MARVELD2: variants seen among roughly 807,000 people sequenced by gnomAD.
MARVELD2 encodes MARVEL domain containing 2, also known as MARVEL domain-containing protein 2.
Under a neutral mutation model 57.6 loss-of-function variants are expected in MARVELD2, and 49 were observed. The ratio of observed to expected loss-of-function variants is 0.85; its 90% CI spans 0.68 to 1.08. The LOEUF is 1.08. MARVELD2 is among the 50% of genes least tolerant of loss of function. The pLI is 0.00. For synonymous variants in MARVELD2, 238 were observed against 258.8 expected (o/e 0.92, Z 0.77); for missense variants, 606 against 701.1 (o/e 0.86, Z 1.53).
At position 69,425,904 on chromosome 5, in the gene MARVELD2, A is replaced by G. The variant is rs572173325; in HGVS notation, c.1182+1268A>G. The stretch of plus-strand genomic sequence containing the variant: ...CCACCGCGGCCGGCTAATTTTTTGT[A>G]TTTTTAGTGGAGACGGGGTTTCACC... On this transcript the variant is annotated intron_variant, in intron 3 of 6. Transcript: ENST00000325631. 4.6e-5 allele frequency among the ~76,000 whole-genome samples: 7 copies of G among 151,358 alleles called. No individual in the cohort carries two copies. The South Asian group carries it at 1.5e-3, about 32-fold the overall frequency.
chr5:69,426,320 CATTATTATTATT>C (rs61577972), intron 3 of MARVELD2, among the ~76,000 whole-genome samples: 2 of 140,116 alleles, frequency 1.4e-5, no homozygotes, highest in Non-Finnish European at 3.0e-5. Context: ...AGATACTGGA[CATTATTATTATT>C]ATTATTATTA....
chr5:69,423,241 T>C (rs916242248), intron 2 of MARVELD2, among the ~76,000 whole-genome samples: 1 of 152,136 alleles, frequency 6.6e-6, no homozygotes, highest in African/African-American at 2.4e-5. Flanking sequence ...CAAATCGTTT[T>C]GTTGTCGTTG....
intron 5 of MARVELD2, among the ~76,000 whole-genome samples, chr5:69,436,566 A>G (rs1340421846): frequency 6.6e-6 from 1 of 152,114 alleles, no homozygotes; most frequent in Non-Finnish European, 1.5e-5. Flanking sequence ...CCAAATGTGT[A>G]TTACAGTAAC....
chr5:69,420,622 A>G, intron 2 of MARVELD2, 91 bp downstream of exon 2: 1 of 1,253,222 alleles, frequency 8.0e-7, no homozygotes, highest in South Asian at 1.3e-5. Flanking sequence ...CGCTCAAAAC[A>G]GAAAGCTTTC....
Position 69,442,715 on chromosome 5 carries a change from C to T in MARVELD2, c.*1061C>T, listed in dbSNP as rs561872146. The T allele has an allele frequency of 1.3e-5, 2 of 152,400 alleles. No individual in the cohort carries two copies. The highest frequency in any genetic ancestry group is 2.9e-5 in the Non-Finnish European group (2 of 68,126). The allele number at this position is 152,400 out of a possible 1,614,324, so 9.4% of individuals were successfully genotyped here. On this transcript the variant is annotated 3_prime_UTR_variant, in exon 7 of 7. Coordinates refer to ENST00000325631, the MANE Select transcript of MARVELD2 (RefSeq NM_001038603.3). Reference sequence around the variant, plus strand: ...CTGGTGCTTCACTGTGGCTCTGTGGCCCCTGGGGTTCCACATGGCCTCCCT... The same window carrying T: ...CTGGTGCTTCACTGTGGCTCTGTGGTCCCTGGGGTTCCACATGGCCTCCCT...
At chr5:69,418,950 CAG>C (rs1766510221) in intron 1 of MARVELD2, 1 of 159,848 alleles carries the variant, frequency 6.3e-6, no homozygotes, top group Non-Finnish European at 1.3e-5. Flanking sequence ...TTTTTAGAGA[CAG>C]AGACTCACTG....
In MARVELD2 at chr5:69,419,875, C is replaced by T. The variant is rs748896801; in HGVS notation, c.490C>T (p.Arg164Ter). 8.7e-6 allele frequency: 14 copies of T among 1,613,978 alleles called. No homozygotes were observed. The highest frequency in any genetic ancestry group is 2.2e-5 in the East Asian group (1 of 44,896). Residue 164 changes from arginine to a stop codon, truncating the protein, a stop_gained, in exon 2 of 7, where the codon CGA (arginine) becomes TGA (stop). Coordinates refer to ENST00000325631, the MANE Select transcript of MARVELD2 (RefSeq NM_001038603.3). LOFTEE classifies it high-confidence loss of function. ...CCGGGATCCCTATGGATCTCTAGAC[C>T]GACACACACAAACAGTTCGAACATA... ...FPRDPYGSLDRHTQTVRTYSE... is the reference protein window; with the variant it reads ...FPRDPYGSLD
rs1561306211 is a variant in MARVELD2, at chr5:69,442,319, T to C, written c.*665T>C. The C allele has an allele frequency of 6.6e-6, 1 of 152,178 alleles. No homozygotes were observed. Among genetic ancestry groups the C allele is most frequent in the African/African-American group, 2.4e-5 (1 of 41,444 alleles). The allele number at this position is 152,178 out of a possible 1,614,324, so 9.4% of individuals were successfully genotyped here. A position where few individuals can be genotyped will look rare whatever the true frequency, so the allele number is the denominator to read the frequency against. ...TCCTAGGGGATTTCTAAAGGATTTT[T>C]CTAAGGGAAAAAGGGTGACATCTTT... is the stretch of plus-strand genomic sequence containing the variant. On this transcript the variant is annotated 3_prime_UTR_variant, in exon 7 of 7. Transcript: ENST00000325631.
chr5:69,424,704 C>T (rs1049273433), intron 3 of MARVELD2, 68 bp downstream of exon 3: 1 of 1,232,792 alleles, frequency 8.1e-7, no homozygotes, highest in African/African-American at 1.5e-5. Context: ...GTCTGTTTAT[C>T]TACATAGTAG....
chr5:69,435,282 G>A (rs1444867198), intron 5 of MARVELD2, among the ~76,000 whole-genome samples: 1 of 151,742 alleles, frequency 6.6e-6, no homozygotes, highest in Non-Finnish European at 1.5e-5. Context: ...CCAAAGTGCT[G>A]GTATTACAGG....
chr5:69,424,551 A>G, intron 2 of MARVELD2, 50 bp from the exon 3 acceptor site: 1 of 1,496,280 alleles, frequency 6.7e-7, no homozygotes, highest in Non-Finnish European at 9.3e-7. Context: ...AATATTTGCA[A>G]AGTAGCTTCA....
At chr5:69,415,203 G>T (rs2150907381) in intron 1 of MARVELD2, 33 bp downstream of exon 1, 1 of 152,480 alleles carries the variant, frequency 6.6e-6, no homozygotes, top group South Asian at 2.1e-4. Flanking sequence ...CACGTGACCG[G>T]GAGAGGAGGG....
rs1767397182 is a variant in MARVELD2, at chr5:69,443,989, TAAG to T, written c.*2340_*2342del. The T allele has an allele frequency of 3.1e-5, 1 of 32,524 alleles. No homozygotes were observed. Among genetic ancestry groups the T allele is most frequent in the Non-Finnish European group, 7.3e-5 (1 of 13,614 alleles). 2.0% of individuals were successfully genotyped at this position (32,524 alleles called of 1,614,324 possible). A position where few individuals can be genotyped will look rare whatever the true frequency, so the allele number is the denominator to read the frequency against. On this transcript the variant is annotated 3_prime_UTR_variant, in exon 7 of 7. Coordinates refer to ENST00000325631, the MANE Select transcript of MARVELD2 (RefSeq NM_001038603.3). ...TTGAGCCCTGTGTTAACATTTCACT[TAAG>T]AAGAGCACCAGTGCTTTAAAAAAAA...
chr5:69,440,894 G>A (rs1402245594), intron 6 of MARVELD2, among the ~76,000 whole-genome samples: 1 of 152,138 alleles, frequency 6.6e-6, no homozygotes, highest in Admixed American at 6.6e-5. Context: ...ACCAGCCTGG[G>A]CAACATGGCG....
At chr5:69,439,247 G>A (rs1186691007) in intron 5 of MARVELD2, among the ~76,000 whole-genome samples, 1 of 151,402 alleles carries the variant, frequency 6.6e-6, no homozygotes, top group South Asian at 2.1e-4. Flanking sequence ...TGCAACCTCC[G>A]CCTCCTGGGT....
rs1340745644 is a variant in MARVELD2 at position 69,419,744 on chromosome 5, C to T, written c.359C>T (p.Ser120Phe). The change falls in exon 2 of 7, where the codon TCT (serine) becomes TTT (phenylalanine). Residue 120 changes from serine (S) to phenylalanine (F), a missense_variant. Ser to Phe is a radical substitution (Grantham distance 155). Coordinates refer to ENST00000325631, the MANE Select transcript of MARVELD2 (RefSeq NM_001038603.3). ...SDGVECSPPA[S>F]PARPNHRSPL... ...GGAGTGGAGTGTTCACCACCAGCCTCTCCAGCAAGACCAAACCACCGTTCG... is the reference window on the plus strand; with the variant it reads ...GGAGTGGAGTGTTCACCACCAGCCTTTCCAGCAAGACCAAACCACCGTTCG... The T allele has an allele frequency of 1.1e-5, 17 of 1,614,148 alleles. No homozygotes were observed. Among genetic ancestry groups the T allele is most frequent in the Non-Finnish European group, 1.4e-5 (16 of 1,180,032 alleles).
In MARVELD2 at chr5:69,432,523, G is replaced by A; in HGVS notation, c.1183-4G>A. ...ACAAATCCTCTTTTTCTCCCTAACT[G>A]CAGTGTGAAATGGCCACCAGTGGTG... is the stretch of plus-strand genomic sequence containing the variant. On this transcript the variant is annotated splice_polypyrimidine_tract_variant and splice_region_variant and intron_variant, in intron 3 of 6. Transcript: ENST00000325631. The A allele has an allele frequency of 1.2e-6, 2 of 1,613,886 alleles. No homozygotes were observed. Among genetic ancestry groups the A allele is most frequent in the South Asian group, 2.2e-5 (2 of 91,070 alleles).
At chr5:69,428,083 C>T (rs1766851730) in intron 3 of MARVELD2, among the ~76,000 whole-genome samples, 1 of 151,942 alleles carries the variant, frequency 6.6e-6, no homozygotes, top group Admixed American at 6.6e-5. Context: ...TGCACTCCAG[C>T]CTGGGTGACA....
In MARVELD2 at chr5:69,433,112, C is replaced by G. The variant is rs1397916853; in HGVS notation, c.1503+19C>G. On this transcript the variant is annotated intron_variant, in intron 5 of 6. Transcript: ENST00000325631. ...CCGACAGGTTAGTATGTGCAGCTGCCTAGGAGGAGCACTGAAATCTAGAGG... is the reference window on the plus strand; with the variant it reads ...CCGACAGGTTAGTATGTGCAGCTGCGTAGGAGGAGCACTGAAATCTAGAGG... 1 of 1,591,778 alleles carries G rather than the reference C, an allele frequency of 6.3e-7. No homozygotes were observed. The highest frequency in any genetic ancestry group is 8.6e-7 in the Non-Finnish European group (1 of 1,163,372).
Sources: allele counts gnomAD v4.1 joint callset (sites outside exome capture counted in the v4.1 genomes callset), GRCh38; gene constraint gnomAD v4.1.1; transcripts MANE v1.5; gene names NCBI Gene and HGNC (gene_info 2026-07-23, HGNC 2026-07-21).